The following ABCA10 variants were observed in gnomAD, a reference collection of about 807,000 sequenced individuals.
The protein encoded by ABCA10 is ATP binding cassette subfamily A member 10, also known as ATP-binding cassette sub-family A member 10.
In ABCA10, 169 loss-of-function variants were observed where a neutral mutation model predicts 187.5. The observed-to-expected ratio is 0.90, with a 90% confidence interval of 0.80 to 1.02. ABCA10 has a LOEUF of 1.02. ABCA10 is among the 50% of genes least tolerant of loss of function. The pLI, the probability that ABCA10 is intolerant of heterozygous loss-of-function variation, is 0.00. For missense variants in ABCA10, 1,727 were observed against 1,812.4 expected, an observed-to-expected ratio of 0.95 and a Z score of 0.86; for synonymous variants, 574 against 601.8, an observed-to-expected ratio of 0.95 and a Z score of 0.68.
Position 69,215,862 on chromosome 17 carries a change from C to A in ABCA10, c.811G>T (p.Val271Leu), listed in dbSNP as rs138150328. 4.3e-6 allele frequency: 7 copies of A among 1,613,238 alleles called. No homozygotes were observed. Among genetic ancestry groups the A allele is most frequent in the Non-Finnish European group, 5.9e-6 (7 of 1,179,752 alleles). The change falls in exon 8 of 39, where the codon GTA becomes TTA. Residue 271 changes from valine to leucine, a missense_variant. Transcript: ENST00000690296. ...YRQLPLSLGWVLSLLSPFAFT... is the reference protein window; with the variant it reads ...YRQLPLSLGWLLSLLSPFAFT... ...GCAAAAGGGCTAAGAAGACTTAATA[C>A]CCATCCCAAAGATAAAGGAAGTTGT...
At chr17:69,213,528 C>T (rs1213647824) in intron 9 of ABCA10, among the ~76,000 whole-genome samples, 1 of 152,158 alleles carries the variant, frequency 6.6e-6, no homozygotes, top group Non-Finnish European at 1.5e-5. Flanking sequence ...TGACAGGCCT[C>T]ACCCAGCTCC....
chr17:69,164,478 TTC>T (rs965303323), intron 26 of ABCA10, among the ~76,000 whole-genome samples: 1 of 152,138 alleles, frequency 6.6e-6, no homozygotes, highest in Admixed American at 6.5e-5. Context: ...GGTATTTAGT[TTC>T]TGTCAGAAGT....
chr17:69,210,847 C>T (rs1256983708), intron 9 of ABCA10, among the ~76,000 whole-genome samples: 6,057 of 36,784 alleles, frequency 0.16, 990 homozygotes, highest in African/African-American at 0.35. Context: ...ATTTATGCCA[C>T]ATATATATAT....
intron 34 of ABCA10, among the ~76,000 whole-genome samples, chr17:69,152,720 G>A (rs182378929): frequency 1.2e-4 from 19 of 152,140 alleles, no homozygotes; most frequent in Non-Finnish European, 1.9e-4. Context: ...CCAGGAGGTC[G>A]AGGCTGCAGT....
intron 9 of ABCA10, among the ~76,000 whole-genome samples, chr17:69,210,370 T>C (rs576582773): frequency 9.0e-4 from 135 of 150,308 alleles, no homozygotes; most frequent in African/African-American, 3.2e-3. Flanking sequence ...TTTGTATTTT[T>C]AGTAGAGACG....
intron 22 of ABCA10, among the ~76,000 whole-genome samples, chr17:69,181,809 C>T (rs913893286): frequency 5.9e-5 from 9 of 151,656 alleles, no homozygotes; most frequent in Non-Finnish European, 1.3e-4. Flanking sequence ...TCTGTTCATG[C>T]TGTATTCTCA....
intron 25 of ABCA10, among the ~76,000 whole-genome samples, chr17:69,173,151 C>A (rs2074309659): frequency 1.3e-5 from 2 of 152,114 alleles, no homozygotes; most frequent in Admixed American, 6.5e-5. Flanking sequence ...AAATAAAGAT[C>A]AATGACTAAT....
chr17:69,230,341 T>G (rs750246370), upstream of ABCA10, among the ~76,000 whole-genome samples: 2 of 152,076 alleles, frequency 1.3e-5, no homozygotes, highest in Non-Finnish European at 1.5e-5. Flanking sequence ...GACAATAATT[T>G]TAGGGATTTC....
chr17:69,154,368 T>G, intron 30 of ABCA10, 42 bp from the exon 31 acceptor site: 1 of 1,458,098 alleles, frequency 6.9e-7, no homozygotes, highest in Non-Finnish European at 9.4e-7. Flanking sequence ...TTTTCAAGGT[T>G]GACTAATCTA....
chr17:69,229,448 CT>C (rs1030664605), upstream of ABCA10, among the ~76,000 whole-genome samples: 1 of 151,692 alleles, frequency 6.6e-6, no homozygotes, highest in African/African-American at 2.4e-5. Flanking sequence ...GATTTTGTTA[CT>C]TTTTTTTCAG....
chr17:69,151,955 C>T (rs576138569), intron 36 of ABCA10, 88 bp downstream of exon 36: 21 of 1,515,114 alleles, frequency 1.4e-5, no homozygotes, highest in Non-Finnish European at 1.8e-5. Flanking sequence ...CTCTGCCTTT[C>T]TCTTCCGGTT....
At chr17:69,244,099 A>G (rs2074924547) in intron 1 of ABCA10, among the ~76,000 whole-genome samples, 1 of 152,180 alleles carries the variant, frequency 6.6e-6, no homozygotes, top group Non-Finnish European at 1.5e-5. Flanking sequence ...GTAGTGTTAA[A>G]TATCTGAGAG....
chr17:69,238,465 G>C (rs1396706714), intron 1 of ABCA10, among the ~76,000 whole-genome samples: 1 of 152,158 alleles, frequency 6.6e-6, no homozygotes, highest in East Asian at 1.9e-4. Flanking sequence ...TCAGGGACTA[G>C]AGACATGACA....
chr17:69,216,799 C>G (rs1412381330), intron 6 of ABCA10, among the ~76,000 whole-genome samples: 2 of 152,002 alleles, frequency 1.3e-5, no homozygotes, highest in African/African-American at 4.8e-5. Context: ...TAAGGTATAC[C>G]ATTCTTCTGA....
chr17:69,242,872 G>A (rs901394445), intron 1 of ABCA10, among the ~76,000 whole-genome samples: 4 of 152,088 alleles, frequency 2.6e-5, no homozygotes, highest in South Asian at 2.1e-4. Context: ...TTGTTTTAGC[G>A]GAAAATACTG....
At chr17:69,168,622 A>T (rs1598093029) in intron 25 of ABCA10, among the ~76,000 whole-genome samples, 1 of 152,350 alleles carries the variant, frequency 6.6e-6, no homozygotes, top group East Asian at 1.9e-4. Flanking sequence ...AATTGGAGGA[A>T]GAAAAGGAAG....
chr17:69,149,523 A>C (rs1179772486), intron 37 of ABCA10, among the ~76,000 whole-genome samples: 1 of 152,096 alleles, frequency 6.6e-6, no homozygotes, highest in South Asian at 2.1e-4. Context: ...GTGACTTGTT[A>C]CACCTCACCC....
At chr17:69,231,246 T>C (rs2074829964), upstream of ABCA10, among the ~76,000 whole-genome samples, 1 of 152,152 alleles carries the variant, frequency 6.6e-6, no homozygotes, top group Non-Finnish European at 1.5e-5. Context: ...CGTGGCATTC[T>C]CTCTTCTATG....
At chr17:69,217,187 C>T (rs2144841412) in intron 6 of ABCA10, among the ~76,000 whole-genome samples, 1 of 150,910 alleles carries the variant, frequency 6.6e-6, no homozygotes, top group East Asian at 1.9e-4. Flanking sequence ...GTGGAGGTTG[C>T]AGTGAGACAA....
Sources: gnomAD v4.1 joint callset for allele counts (sites outside exome capture counted in the v4.1 genomes callset) on GRCh38, gnomAD v4.1.1 for gene constraint, MANE v1.5 for transcripts, NCBI Gene and HGNC (gene_info 2026-07-23, HGNC 2026-07-21) for gene names.